HMGCLL1: variants seen among roughly 807,000 people sequenced by gnomAD.
HMGCLL1 encodes 3-hydroxy-3-methylglutaryl-CoA lyase like 1.
In HMGCLL1, 36 loss-of-function variants were observed where a neutral mutation model predicts 39.1. The observed-to-expected ratio is 0.92, with a 90% CI of 0.71 to 1.22. The LOEUF is 1.22. HMGCLL1 is among the 50% of genes most tolerant of loss of function. The pLI is 0.00. For synonymous variants in HMGCLL1, 149 were observed against 144.0 expected, an observed-to-expected ratio of 1.03 and a Z score of -0.25; for missense variants, 451 against 416.5, an observed-to-expected ratio of 1.08 and a Z score of -0.72.
chr6:55,518,434 T>G (rs1224410715), intron 3 of HMGCLL1, among the ~76,000 whole-genome samples: 1 of 152,134 alleles, frequency 6.6e-6, no homozygotes, highest in African/African-American at 2.4e-5. Flanking sequence ...GTCCTGTATG[T>G]TCTTCCAGGA....
chr6:55,610,428 A>G, the HMGCLL1 span, among the ~76,000 whole-genome samples: 1 of 151,992 alleles, frequency 6.6e-6, no homozygotes, highest in Non-Finnish European at 1.5e-5. Context: ...CAGAAGAAAG[A>G]ATATCAGAGC....
the HMGCLL1 span, among the ~76,000 whole-genome samples, chr6:55,646,699 C>A: frequency 1.3e-5 from 2 of 151,866 alleles, no homozygotes; most frequent in Non-Finnish European, 2.9e-5. Flanking sequence ...GTTTGTATAG[C>A]TGCAAAAATT....
At chr6:55,496,025 A>G (rs1186233673) in intron 6 of HMGCLL1, among the ~76,000 whole-genome samples, 1 of 152,124 alleles carries the variant, frequency 6.6e-6, no homozygotes, top group Non-Finnish European at 1.5e-5. Context: ...AGAGATCTTC[A>G]TTGCCCTTAA....
the HMGCLL1 span, among the ~76,000 whole-genome samples, chr6:55,672,390 A>G: frequency 6.6e-6 from 1 of 151,834 alleles, no homozygotes; most frequent in African/African-American, 2.4e-5. Flanking sequence ...TCTTAGTTTA[A>G]AGAATACACT....
At chr6:55,472,848 T>C (rs1336696807) in intron 7 of HMGCLL1, among the ~76,000 whole-genome samples, 1 of 151,526 alleles carries the variant, frequency 6.6e-6, no homozygotes, top group Non-Finnish European at 1.5e-5. Context: ...AAAAGAAGTA[T>C]GTTAATGTTT....
At chr6:55,499,198 T>C in intron 6 of HMGCLL1, 38 bp downstream of exon 6, 1 of 1,505,384 alleles carries the variant, frequency 6.6e-7, no homozygotes, top group East Asian at 2.3e-5. Flanking sequence ...ATATATATCA[T>C]GTTACCATAA....
At chr6:55,536,829 T>TA (rs1158320806) in intron 3 of HMGCLL1, among the ~76,000 whole-genome samples, 1 of 151,998 alleles carries the variant, frequency 6.6e-6, no homozygotes. Flanking sequence ...AACAAAACAG[T>TA]AGGAGGGAAA....
chr6:55,657,906 G>A, the HMGCLL1 span, among the ~76,000 whole-genome samples: 6 of 151,840 alleles, frequency 4.0e-5, no homozygotes, highest in Non-Finnish European at 7.4e-5. Flanking sequence ...GGGCTTTTTG[G>A]AGAGTGGAAG....
intron 5 of HMGCLL1, 72 bp from the exon 6 acceptor site, chr6:55,499,371 A>T: frequency 8.5e-7 from 1 of 1,179,608 alleles, no homozygotes. Context: ...AAAATTAAGA[A>T]TTAGCTGAAA....
At chr6:55,444,183 G>T (rs1335347017) in intron 7 of HMGCLL1, among the ~76,000 whole-genome samples, 1 of 152,076 alleles carries the variant, frequency 6.6e-6, no homozygotes, top group Non-Finnish European at 1.5e-5. Context: ...AAACCTAAAT[G>T]AGTAGGAATA....
At chr6:55,589,553 G>T in the HMGCLL1 span, among the ~76,000 whole-genome samples, 3 of 152,140 alleles carry the variant, frequency 2.0e-5, no homozygotes, top group African/African-American at 7.2e-5. Flanking sequence ...TCTGGCCAGG[G>T]CAATTAGGCA....
chr6:55,453,811 G>A (rs1764208101), intron 7 of HMGCLL1, among the ~76,000 whole-genome samples: 3 of 152,110 alleles, frequency 2.0e-5, no homozygotes, highest in Admixed American at 6.5e-5. Context: ...AATTTACTAG[G>A]TAAAATACTG....
At chr6:55,663,101 A>G in the HMGCLL1 span, among the ~76,000 whole-genome samples, 6 of 148,952 alleles carry the variant, frequency 4.0e-5, no homozygotes, top group Non-Finnish European at 8.9e-5. Context: ...CTAACTAGTG[A>G]CCTATCTTAT....
At chr6:55,545,153 C>T (rs1054587114) in intron 1 of HMGCLL1, among the ~76,000 whole-genome samples, 1 of 142,822 alleles carries the variant, frequency 7.0e-6, no homozygotes, top group Non-Finnish European at 1.5e-5. Context: ...ATTTCAACAA[C>T]AATTAGCTTG....
intron 7 of HMGCLL1, among the ~76,000 whole-genome samples, chr6:55,493,185 T>C (rs1019465430): frequency 6.6e-6 from 1 of 152,104 alleles, no homozygotes; most frequent in Non-Finnish European, 1.5e-5. Flanking sequence ...CTTAGGTCTT[T>C]CCAGTTCTGC....
chr6:55,513,364 C>T (rs140981226), intron 5 of HMGCLL1: 6 of 151,992 alleles, frequency 3.9e-5, no homozygotes, highest in Admixed American at 6.6e-5. Flanking sequence ...AAAGGCAAGG[C>T]GAGGAGAAAG....
chr6:55,532,016 C>T (rs141432761), intron 3 of HMGCLL1, among the ~76,000 whole-genome samples: 9 of 152,160 alleles, frequency 5.9e-5, no homozygotes, highest in African/African-American at 2.2e-4. Flanking sequence ...TGGAAACTAC[C>T]TCCCACCTCC....
chr6:55,677,048 T>C, the HMGCLL1 span, among the ~76,000 whole-genome samples: 3 of 152,210 alleles, frequency 2.0e-5, no homozygotes, highest in Non-Finnish European at 4.4e-5. Context: ...ACATAATTGT[T>C]ATTTCTAGGC....
At chr6:55,604,112 A>AC in the HMGCLL1 span, among the ~76,000 whole-genome samples, 7 of 152,104 alleles carry the variant, frequency 4.6e-5, no homozygotes, top group Non-Finnish European at 1.0e-4. Context: ...AAAGGAAAGC[A>AC]TTTAGAGAAA....
Sources: allele counts gnomAD v4.1 joint callset (sites outside exome capture counted in the v4.1 genomes callset), GRCh38; gene constraint gnomAD v4.1.1; transcripts MANE v1.5; gene names NCBI Gene and HGNC (gene_info 2026-07-23, HGNC 2026-07-21).